SHTN1: variants seen among roughly 807,000 people sequenced by gnomAD.
SHTN1 encodes the protein shootin-1.
In SHTN1, 42 loss-of-function variants were observed where a neutral mutation model predicts 83.1. The ratio of observed to expected loss-of-function variants is 0.51; its 90% CI spans 0.39 to 0.65. SHTN1 has a LOEUF of 0.65. Ranked by LOEUF, SHTN1 falls within the 30% of genes least tolerant of loss-of-function variation. The pLI is 0.00. For missense variants in SHTN1, 622 were observed against 737.8 expected (o/e 0.84, Z 1.82); for synonymous variants, 224 against 247.7 (o/e 0.90, Z 0.90).
chr10:116,998,429 GA>G (rs756915056), intron 1 of SHTN1, among the ~76,000 whole-genome samples: 60 of 152,206 alleles, frequency 3.9e-4, no homozygotes, highest in Admixed American at 6.5e-4. Flanking sequence ...TTGAGAGAGA[GA>G]GAGAGAGACC....
chr10:116,961,915 T>G (rs1246753366), intron 3 of SHTN1, among the ~76,000 whole-genome samples: 1 of 152,192 alleles, frequency 6.6e-6, no homozygotes, highest in Non-Finnish European at 1.5e-5. Flanking sequence ...AAATTGTATC[T>G]GCTGTTGTGT....
At chr10:117,091,326 A>C (rs1287447121) in intron 1 of SHTN1, among the ~76,000 whole-genome samples, 4 of 152,232 alleles carry the variant, frequency 2.6e-5, no homozygotes, top group Non-Finnish European at 5.9e-5. Flanking sequence ...TCCAAATTTT[A>C]AATTTTATAG....
chr10:116,993,557 A>C (rs1007751785), intron 1 of SHTN1, among the ~76,000 whole-genome samples: 8 of 152,274 alleles, frequency 5.3e-5, no homozygotes, highest in Admixed American at 1.3e-4. Flanking sequence ...AGAAAAAAAA[A>C]TACCATATAT....
At chr10:116,970,725 A>C (rs927264619) in intron 2 of SHTN1, among the ~76,000 whole-genome samples, 10 of 151,986 alleles carry the variant, frequency 6.6e-5, no homozygotes, top group African/African-American at 1.9e-4. Flanking sequence ...AAAAAAAAAA[A>C]AACAAACCAT....
chr10:117,108,476 A>G (rs1411484702), intron 1 of SHTN1, among the ~76,000 whole-genome samples: 1 of 147,342 alleles, frequency 6.8e-6, no homozygotes, highest in Non-Finnish European at 1.5e-5. Flanking sequence ...CAAACACCGC[A>G]TGTTCTCACT....
chr10:117,103,368 G>A (rs1853622700), intron 1 of SHTN1, among the ~76,000 whole-genome samples: 1 of 151,966 alleles, frequency 6.6e-6, no homozygotes, highest in Non-Finnish European at 1.5e-5. Context: ...TGGGATTACA[G>A]GCATGAGCCA....
intron 2 of SHTN1, among the ~76,000 whole-genome samples, chr10:117,039,727 C>T (rs1280489219): frequency 2.6e-5 from 4 of 151,714 alleles, no homozygotes; most frequent in Non-Finnish European, 5.9e-5. Context: ...GTGGTGGGCA[C>T]CTGTAGTCCC....
chr10:117,093,580 C>T (rs1458980784), intron 1 of SHTN1, among the ~76,000 whole-genome samples: 2 of 152,126 alleles, frequency 1.3e-5, no homozygotes, highest in East Asian at 3.9e-4. Flanking sequence ...AAAAGTCATT[C>T]AGCTAATAAG....
At chr10:117,007,059 T>C (rs1287330582), upstream of SHTN1, among the ~76,000 whole-genome samples, 1 of 152,048 alleles carries the variant, frequency 6.6e-6, no homozygotes, top group Non-Finnish European at 1.5e-5. Flanking sequence ...TAAAAATAAT[T>C]TTGATATGGG....
At chr10:117,005,697 G>T, upstream of SHTN1, 1 of 493,248 alleles carries the variant, frequency 2.0e-6, no homozygotes, top group Non-Finnish European at 2.6e-6. Context: ...ACCTTGAAGA[G>T]GAGACAAGGA....
chr10:116,976,816 T>A (rs1850824871), intron 2 of SHTN1, among the ~76,000 whole-genome samples: 1 of 152,210 alleles, frequency 6.6e-6, no homozygotes, highest in Non-Finnish European at 1.5e-5. Context: ...GCAGTGAACT[T>A]AAAACCACTC....
chr10:117,069,196 T>C (rs1156724532), intron 1 of SHTN1, among the ~76,000 whole-genome samples: 1 of 152,088 alleles, frequency 6.6e-6, no homozygotes, highest in Non-Finnish European at 1.5e-5. Flanking sequence ...ATCAATAATG[T>C]CAAGTAATAT....
intron 16 of SHTN1, among the ~76,000 whole-genome samples, chr10:116,897,184 G>A (rs1847553598): frequency 1.3e-5 from 2 of 152,172 alleles, no homozygotes; most frequent in Admixed American, 6.5e-5. Context: ...GCTGCAATGG[G>A]TATGTTGGCC....
At chr10:116,910,700 CAA>C (rs771867184) in intron 14 of SHTN1, among the ~76,000 whole-genome samples, 1 of 152,180 alleles carries the variant, frequency 6.6e-6, no homozygotes, top group African/African-American at 2.4e-5. Context: ...ACAAACACAA[CAA>C]AAGAGACTGT....
At chr10:116,946,922 T>C (rs1399406149) in intron 7 of SHTN1, among the ~76,000 whole-genome samples, 1 of 151,892 alleles carries the variant, frequency 6.6e-6, no homozygotes, top group Admixed American at 6.6e-5. Flanking sequence ...GGTTTTACCA[T>C]GTTGGCCAGG....
intron 12 of SHTN1, among the ~76,000 whole-genome samples, chr10:116,918,327 TAAAA>T (rs201624226): frequency 1.4e-5 from 2 of 138,724 alleles, no homozygotes; most frequent in African/African-American, 5.3e-5. Context: ...TAGTTCCTTA[TAAAA>T]AAAAAAAAGA....
chr10:117,051,791 A>AC (rs1852744391), intron 1 of SHTN1, among the ~76,000 whole-genome samples: 1 of 151,638 alleles, frequency 6.6e-6, no homozygotes, highest in Admixed American at 6.6e-5. Flanking sequence ...TTCATGAAAG[A>AC]CCTACAACTG....
At chr10:116,974,589 G>A (rs973779669) in intron 2 of SHTN1, among the ~76,000 whole-genome samples, 6 of 152,058 alleles carry the variant, frequency 3.9e-5, no homozygotes, top group Non-Finnish European at 8.8e-5. Flanking sequence ...TGACAGAACC[G>A]CCTGATGCAC....
chr10:117,075,181 A>G (rs1564950429), intron 1 of SHTN1, among the ~76,000 whole-genome samples: 1 of 152,130 alleles, frequency 6.6e-6, no homozygotes, highest in Non-Finnish European at 1.5e-5. Flanking sequence ...GTATTTAGGA[A>G]TCTGCTTTGC....
Sources: gnomAD v4.1 joint callset for allele counts (sites outside exome capture counted in the v4.1 genomes callset) on GRCh38, gnomAD v4.1.1 for gene constraint, MANE v1.5 for transcripts, NCBI Gene and HGNC (gene_info 2026-07-23, HGNC 2026-07-21) for gene names.